The following MAGI2 variants were observed in gnomAD, a reference collection of about 807,000 sequenced individuals.
MAGI2 encodes membrane associated guanylate kinase, WW and PDZ domain containing 2.
In MAGI2, 35 loss-of-function variants were observed where a neutral mutation model predicts 133.3. The ratio of observed to expected loss-of-function variants is 0.26; its 90% CI spans 0.20 to 0.35. MAGI2 has a LOEUF of 0.35. MAGI2 is among the 10% of genes least tolerant of loss of function. The pLI is 1.00. For missense variants in MAGI2, 1,636 were observed against 1,863.4 expected, an observed-to-expected ratio of 0.88 and a Z score of 2.25; for synonymous variants, 729 against 710.6, an observed-to-expected ratio of 1.03 and a Z score of -0.41.
chr7:78,814,492 T>A (rs1789383635), intron 2 of MAGI2, among the ~76,000 whole-genome samples: 1 of 152,222 alleles, frequency 6.6e-6, no homozygotes, highest in Non-Finnish European at 1.5e-5. Flanking sequence ...TACTAATGCC[T>A]CAACTTGTCT....
intron 1 of MAGI2, among the ~76,000 whole-genome samples, chr7:79,312,206 T>A (rs958895735): frequency 6.6e-6 from 1 of 152,180 alleles, no homozygotes; most frequent in Admixed American, 6.5e-5. Context: ...CAATCCAAGC[T>A]GAGACAATTC....
In MAGI2 at chr7:79,367,858, CAT is replaced by C. The variant is rs367920302; in HGVS notation, c.301+85160_301+85161del. Among the ~76,000 whole-genome samples, 125 of 86,918 alleles carry C rather than the reference CAT, an allele frequency of 1.4e-3. 5 individuals carry two copies. Among genetic ancestry groups the C allele is most frequent in the African/African-American group, 2.7e-3 (58 of 21,556 alleles). 57.0% of individuals were successfully genotyped at this position (86,918 alleles called of 152,430 possible). A position where few individuals can be genotyped will look rare whatever the true frequency, so the allele number is the denominator to read the frequency against. On this transcript the variant is annotated intron_variant, in intron 1 of 21. Coordinates refer to ENST00000354212, the MANE Select transcript of MAGI2 (RefSeq NM_012301.4). The stretch of plus-strand genomic sequence containing the variant: ...CATATATATATGCTTATATATGTGA[CAT>C]ATATATATATATATATGTCATTGAC...
intron 3 of MAGI2, among the ~76,000 whole-genome samples, chr7:78,593,285 G>A (rs1312155402): frequency 2.0e-5 from 3 of 152,124 alleles, no homozygotes; most frequent in South Asian, 2.1e-4. Context: ...CCAGCTACTC[G>A]GGAGGCTGAG....
At chr7:78,602,031 C>A (rs1033606913) in intron 3 of MAGI2, among the ~76,000 whole-genome samples, 10 of 152,204 alleles carry the variant, frequency 6.6e-5, no homozygotes, top group Non-Finnish European at 8.8e-5. Context: ...GACAGTTCTA[C>A]TGCCCAACTG....
chr7:79,214,243 C>G (rs977627879), intron 1 of MAGI2, among the ~76,000 whole-genome samples: 1 of 150,738 alleles, frequency 6.6e-6, no homozygotes, highest in South Asian at 2.1e-4. Context: ...TTTGATACTT[C>G]CTTTTATTAC....
chr7:78,327,353 C>T (rs1788689863), intron 9 of MAGI2, among the ~76,000 whole-genome samples: 2 of 152,244 alleles, frequency 1.3e-5, no homozygotes, highest in Admixed American at 1.3e-4. Flanking sequence ...CCTGTTATGA[C>T]TGGCAAAGGA....
At chr7:79,417,229 C>T (rs1359020123) in intron 1 of MAGI2, among the ~76,000 whole-genome samples, 1 of 152,030 alleles carries the variant, frequency 6.6e-6, no homozygotes. Context: ...GCATTACAAT[C>T]CCTTTATGTT....
At chr7:78,737,620 T>C (rs1461881895) in intron 2 of MAGI2, among the ~76,000 whole-genome samples, 1 of 152,174 alleles carries the variant, frequency 6.6e-6, no homozygotes, top group East Asian at 1.9e-4. Context: ...TAGAAAGAGA[T>C]ATGAGAATCC....
intron 1 of MAGI2, among the ~76,000 whole-genome samples, chr7:79,085,742 A>G (rs561745905): frequency 6.6e-6 from 1 of 151,918 alleles, no homozygotes; most frequent in African/African-American, 2.4e-5. Context: ...TTTGTTGTGT[A>G]TGGCTGCTAA....
At chr7:79,068,035 A>G (rs1279764899) in intron 1 of MAGI2, among the ~76,000 whole-genome samples, 1 of 152,100 alleles carries the variant, frequency 6.6e-6, no homozygotes, top group Admixed American at 6.5e-5. Context: ...TTTCACATCG[A>G]TGTTCATCAG....
At chr7:79,033,062 G>A (rs1363616066) in intron 1 of MAGI2, among the ~76,000 whole-genome samples, 2 of 152,112 alleles carry the variant, frequency 1.3e-5, no homozygotes, top group Non-Finnish European at 2.9e-5. Flanking sequence ...CCACAGTCCA[G>A]GTTTAGAAGA....
At chr7:79,194,134 T>C (rs1274422163) in intron 1 of MAGI2, among the ~76,000 whole-genome samples, 1 of 151,930 alleles carries the variant, frequency 6.6e-6, no homozygotes, top group Non-Finnish European at 1.5e-5. Context: ...AAGATAGGCC[T>C]CAAAAATGTT....
chr7:78,079,148 G>T (rs1815689231), intron 20 of MAGI2, 63 bp from the exon 21 acceptor site: 4 of 1,498,912 alleles, frequency 2.7e-6, no homozygotes, highest in East Asian at 4.5e-5. Flanking sequence ...ATTGTCAACA[G>T]ATTAAAAAAA....
At chr7:79,300,773 C>G (rs137968657) in intron 1 of MAGI2, among the ~76,000 whole-genome samples, 38 of 152,308 alleles carry the variant, frequency 2.5e-4, no homozygotes, top group African/African-American at 9.1e-4. Flanking sequence ...TTTCAGAGAC[C>G]TTTGTGGCAG....
At chr7:79,171,462 T>C (rs984095494) in intron 1 of MAGI2, among the ~76,000 whole-genome samples, 1 of 151,770 alleles carries the variant, frequency 6.6e-6, no homozygotes, top group Non-Finnish European at 1.5e-5. Flanking sequence ...GGCTTAGGTC[T>C]TCAGCATAGG....
intron 1 of MAGI2, among the ~76,000 whole-genome samples, chr7:79,115,222 C>T (rs1819287861): frequency 6.6e-6 from 1 of 152,052 alleles, no homozygotes; most frequent in South Asian, 2.1e-4. Context: ...ATACATTTCA[C>T]AGATAGATGC....
chr7:78,271,789 G>T (rs190544167), intron 9 of MAGI2, among the ~76,000 whole-genome samples: 20 of 152,130 alleles, frequency 1.3e-4, no homozygotes, highest in African/African-American at 4.8e-4. Flanking sequence ...CTGTGGGATC[G>T]GTGGTGATAT....
intron 2 of MAGI2, among the ~76,000 whole-genome samples, chr7:78,930,956 G>A (rs1394635549): frequency 1.3e-5 from 2 of 152,058 alleles, no homozygotes; most frequent in African/African-American, 4.8e-5. Flanking sequence ...ATGCCACTGC[G>A]AAACGAATTT....
chr7:79,274,641 C>T (rs1041940638), intron 1 of MAGI2, among the ~76,000 whole-genome samples: 4 of 151,804 alleles, frequency 2.6e-5, no homozygotes, highest in African/African-American at 9.7e-5. Context: ...AAAATGCATA[C>T]TTTCTTTATT....
Sources: gnomAD v4.1 joint callset for allele counts (sites outside exome capture counted in the v4.1 genomes callset) on GRCh38, gnomAD v4.1.1 for gene constraint, MANE v1.5 for transcripts, NCBI Gene and HGNC (gene_info 2026-07-23, HGNC 2026-07-21) for gene names.